The following TRIM33 variants were observed in gnomAD, a reference collection of about 807,000 sequenced individuals.
TRIM33 encodes the protein tripartite motif containing 33.
Under a neutral mutation model 125.4 loss-of-function variants are expected in TRIM33, and 20 were observed. The ratio of observed to expected loss-of-function variants is 0.16; its 90% confidence interval spans 0.11 to 0.23. The LOEUF is 0.23. Among genes scored for constraint, TRIM33 ranks in the 10% least tolerant of loss-of-function variants. The probability of loss-of-function intolerance (pLI) is 1.00; values close to 1 mark genes in which losing one functional copy is unlikely to be tolerated. For missense variants in TRIM33, 920 were observed against 1,411.4 expected (o/e 0.65, Z 5.58); for synonymous variants, 564 against 513.9 (o/e 1.10, Z -1.32).
intron 4 of TRIM33, among the ~76,000 whole-genome samples, chr1:114,444,877 A>C (rs1012688018): frequency 3.3e-5 from 5 of 152,364 alleles, no homozygotes; most frequent in African/African-American, 4.8e-5. Flanking sequence ...AGATGCTGTA[A>C]TGAGCTAAAA....
chr1:114,472,430 T>C (rs1037556204), intron 1 of TRIM33, among the ~76,000 whole-genome samples: 3 of 152,212 alleles, frequency 2.0e-5, no homozygotes, highest in South Asian at 4.1e-4. Flanking sequence ...AATAAAGTGA[T>C]TGAAAACAAA....
At chr1:114,476,099 G>C (rs2101459918) in intron 1 of TRIM33, among the ~76,000 whole-genome samples, 1 of 151,828 alleles carries the variant, frequency 6.6e-6, no homozygotes, top group Admixed American at 6.6e-5. Flanking sequence ...ATAAAAGAAT[G>C]GATGAAATAA....
Position 114,424,725 on chromosome 1 carries a change from G to A in TRIM33, c.1726C>T (p.Gln576Ter). Residue 576 changes from glutamine to a stop codon, truncating the protein, a stop_gained, in exon 10 of 20, where the codon CAA becomes TAA. Coordinates refer to ENST00000358465, the MANE Select transcript of TRIM33 (RefSeq NM_015906.4). LOFTEE classifies it high-confidence loss of function. ...PPRLISVQTMQRGNMNCGAFQ... is the reference protein window; with the variant it reads ...PPRLISVQTM ...GCTCCACAGTTCATGTTGCCTCTTT[G>A]CATTGTTTGCACACTGATCAATCGA... 1 of 1,604,406 alleles carries A rather than the reference G, an allele frequency of 6.2e-7. No individual in the cohort carries two copies. Among genetic ancestry groups the A allele is most frequent in the Non-Finnish European group, 8.5e-7 (1 of 1,175,328 alleles).
At chr1:114,438,904 G>A (rs1267146891) in intron 4 of TRIM33, among the ~76,000 whole-genome samples, 1 of 152,176 alleles carries the variant, frequency 6.6e-6, no homozygotes, top group African/African-American at 2.4e-5. Context: ...TCTATATGAA[G>A]GGGAGATGAT....
chr1:114,447,328 T>C (rs1414919037), intron 4 of TRIM33, among the ~76,000 whole-genome samples: 1 of 152,052 alleles, frequency 6.6e-6, no homozygotes, highest in East Asian at 1.9e-4. Flanking sequence ...CCTGATAAGT[T>C]TGGATTTGGG....
Position 114,395,287 on chromosome 1 carries a change from C to CA in TRIM33, c.*2360dup, listed in dbSNP as rs1651485124. On this transcript the variant is annotated 3_prime_UTR_variant, in exon 20 of 20. Coordinates refer to ENST00000358465, the MANE Select transcript of TRIM33 (RefSeq NM_015906.4). ...AGAAGTGGAGGCTATTAAATGTTGA[C>CA]AAAAAAGTGGCTTTTAAATTGCTTT... 1 of 204,864 alleles carries CA rather than the reference C, an allele frequency of 4.9e-6. No individual in the cohort carries two copies. Among genetic ancestry groups the CA allele is most frequent in the East Asian group, 7.5e-5 (1 of 13,306 alleles). The allele number at this position is 204,864 out of a possible 1,614,324, so 12.7% of individuals were successfully genotyped here.
chr1:114,456,318 T>C (rs1649617710), intron 4 of TRIM33, among the ~76,000 whole-genome samples: 1 of 152,156 alleles, frequency 6.6e-6, no homozygotes, highest in Admixed American at 6.5e-5. Flanking sequence ...CTGATGAAAT[T>C]ACCTGTTGGA....
Position 114,397,604 on chromosome 1 carries a change from T to TAG in TRIM33, c.*43_*44insCT, listed in dbSNP as rs1557838250. 5 of 1,180,422 alleles carry TAG rather than the reference T, an allele frequency of 4.2e-6. No individual in the cohort carries two copies. The highest frequency in any genetic ancestry group is 4.8e-6 in the Non-Finnish European group (4 of 831,322). 73.1% of individuals were successfully genotyped at this position (1,180,422 alleles called of 1,614,324 possible). The stretch of plus-strand genomic sequence containing the variant: ...GGTTTTTTGTGTTTTTTTTTTTTTT[T>TAG]TCGTTTTTTTTTTTTTAAACAATTG... On this transcript the variant is annotated 3_prime_UTR_variant, in exon 20 of 20. Coordinates refer to ENST00000358465, the MANE Select transcript of TRIM33 (RefSeq NM_015906.4).
At chr1:114,433,038 T>G (rs1243040924) in intron 5 of TRIM33, among the ~76,000 whole-genome samples, 1 of 152,194 alleles carries the variant, frequency 6.6e-6, no homozygotes, top group East Asian at 1.9e-4. Flanking sequence ...ACTTTGTTAA[T>G]CTGCTCTCTT....
intron 11 of TRIM33, chr1:114,420,450 GC>G: frequency 7.5e-7 from 1 of 1,333,044 alleles, no homozygotes; most frequent in Non-Finnish European, 9.9e-7. Context: ...AACAACGTTT[GC>G]CTGTGGCAGG....
At chr1:114,500,128 T>C (rs529342619) in intron 1 of TRIM33, among the ~76,000 whole-genome samples, 14 of 152,236 alleles carry the variant, frequency 9.2e-5, no homozygotes, top group East Asian at 3.9e-4. Context: ...GATCGTGCCA[T>C]TGCACTCCAG....
chr1:114,510,755 C>A lies in TRIM33; in HGVS notation c.322G>T (p.Gly108Cys). ...APAPASAPAP[G>C]PSAGPPPGPP... is the part of the protein sequence containing the mutation. Reference sequence around the variant, plus strand: ...CCAGGAGGCGGCCCTGCCGAGGGACCCGGAGCGGGAGCCGAGGCTGGAGCT... The same window carrying A: ...CCAGGAGGCGGCCCTGCCGAGGGACACGGAGCGGGAGCCGAGGCTGGAGCT... The change falls in exon 1 of 20, where the codon GGT becomes TGT. Residue 108 changes from glycine (G) to cysteine (C), a missense_variant. This residue lies in a region of TRIM33 where 233 missense variants were observed against 189.6 expected (regional missense o/e 1.23). Coordinates refer to ENST00000358465, the MANE Select transcript of TRIM33 (RefSeq NM_015906.4). 1 of 1,524,100 alleles carries A rather than the reference C, an allele frequency of 6.6e-7. No individual in the cohort carries two copies. The highest frequency in any genetic ancestry group is 8.8e-7 in the Non-Finnish European group (1 of 1,140,968). The allele number at this position is 1,524,100 out of a possible 1,614,324, so 94.4% of individuals were successfully genotyped here.
rs1335894345 is a variant in TRIM33, at chr1:114,427,250, A to G, written c.1347T>C (p.Pro449=). The part of the protein sequence containing the change: ...LRHILKARCD[P]VPAANGAIRF... ...GTATTGCTCCATTAGCAGCAGGGAC[A>G]GGATCACACCGTGCTTTCAAAATAT... Residue 449 remains proline, a synonymous_variant, in exon 8 of 20, where the codon CCT becomes CCC. Coordinates refer to ENST00000358465, the MANE Select transcript of TRIM33 (RefSeq NM_015906.4). The G allele has an allele frequency of 6.2e-7, 1 of 1,604,084 alleles. No homozygotes were observed. Among genetic ancestry groups the G allele is most frequent in the Non-Finnish European group, 8.5e-7 (1 of 1,173,698 alleles).
intron 15 of TRIM33, among the ~76,000 whole-genome samples, chr1:114,403,886 A>G (rs1018763753): frequency 6.6e-6 from 1 of 151,404 alleles, no homozygotes. Context: ...CTGGTCTCAA[A>G]CTCCTAGCCT....
chr1:114,456,958 T>C (rs1205525277), intron 4 of TRIM33, among the ~76,000 whole-genome samples: 1 of 151,848 alleles, frequency 6.6e-6, no homozygotes, highest in Non-Finnish European at 1.5e-5. Flanking sequence ...ATAACCAGAG[T>C]AGAAGCATCC....
chr1:114,432,679 G>A (rs186192529), intron 5 of TRIM33, among the ~76,000 whole-genome samples: 2,069 of 152,164 alleles, frequency 0.014, 44 homozygotes, highest in African/African-American at 0.046. Flanking sequence ...CCAGCTACTC[G>A]GGAGGCTGAG....
chr1:114,454,410 G>C (rs764963356), intron 4 of TRIM33, among the ~76,000 whole-genome samples: 1 of 152,152 alleles, frequency 6.6e-6, no homozygotes, highest in African/African-American at 2.4e-5. Context: ...AGTAGGCCAG[G>C]CATGGTGGCT....
chr1:114,433,571 C>A, intron 5 of TRIM33, 46 bp downstream of exon 5: 1 of 1,218,796 alleles, frequency 8.2e-7, no homozygotes, highest in Non-Finnish European at 1.2e-6. Flanking sequence ...GGACCCACTT[C>A]TTTTTAGTAA....
At chr1:114,434,295 T>C (rs1648147557) in intron 4 of TRIM33, among the ~76,000 whole-genome samples, 1 of 152,246 alleles carries the variant, frequency 6.6e-6, no homozygotes, top group Non-Finnish European at 1.5e-5. Flanking sequence ...AGTGGGCCAC[T>C]GCATGTGGCC....
Sources: gnomAD v4.1 joint callset for allele counts (sites outside exome capture counted in the v4.1 genomes callset) on GRCh38, gnomAD v4.1.1 for gene constraint, gnomAD v4.1.1 regional missense constraint, MANE v1.5 for transcripts, NCBI Gene and HGNC (gene_info 2026-07-23, HGNC 2026-07-21) for gene names.